The following DGKK variants were observed in gnomAD, a reference collection of about 807,000 sequenced individuals.
DGKK encodes diacylglycerol kinase kappa, also known as 142 kDa diacylglycerol kinase.
A neutral mutation model predicts 92.2 loss-of-function variants in DGKK; 35 were observed. That is an observed-to-expected ratio of 0.38 (90% CI 0.29 to 0.50). The LOEUF is 0.50. Among genes scored for constraint, DGKK ranks in the 20% least tolerant of loss-of-function variants. The pLI is 0.92. For missense variants in DGKK, 910 were observed against 992.2 expected, an observed-to-expected ratio of 0.92 and a Z score of 1.11; for synonymous variants, 368 against 360.6, an observed-to-expected ratio of 1.02 and a Z score of -0.23.
intron 27 of DGKK, among the ~76,000 whole-genome samples, chrX:50,369,488 G>A (rs782626654): frequency 4.7e-4 from 44 of 93,792 alleles, no homozygotes; most frequent in Non-Finnish European, 7.3e-4. Context: ...TTCTCCTTCC[G>A]TCCTTTCTTT....
At position 50,384,176 on chromosome X, in the gene DGKK, A is replaced by C; in HGVS notation, c.2541T>G (p.Pro847=). The change falls in exon 17 of 28, where the codon CCT becomes CCG. Residue 847 remains proline (P), a synonymous_variant. Coordinates refer to ENST00000611977, the MANE Select transcript of DGKK (RefSeq NM_001013742.4). ...NLNLDHLHFT[P]ESIRFKEKCV... is the part of the protein sequence containing the mutation. ...TAGAGTTAAATACTTACATAGATTCAGGTGTAAAATGTAAGTGATCCAAGT... is the reference window on the plus strand; with the variant it reads ...TAGAGTTAAATACTTACATAGATTCCGGTGTAAAATGTAAGTGATCCAAGT... 8.7e-7 allele frequency: 1 copy of C among 1,150,888 alleles called. No individual in the cohort carries two copies. Among genetic ancestry groups the C allele is most frequent in the Non-Finnish European group, 1.2e-6 (1 of 853,973 alleles). 94.8% of individuals were successfully genotyped at this position (1,150,888 alleles called of 1,213,427 possible).
chrX:50,388,489 G>A (rs1557225220), intron 13 of DGKK, 38 bp downstream of exon 13: 1 of 1,087,022 alleles, frequency 9.2e-7, no homozygotes, highest in South Asian at 1.9e-5. Flanking sequence ...TCTGACCTGG[G>A]AACAGCCCCA....
intron 4 of DGKK, among the ~76,000 whole-genome samples, chrX:50,408,720 C>A (rs965787416): frequency 3.6e-5 from 4 of 111,929 alleles, no homozygotes; most frequent in African/African-American, 1.3e-4. Context: ...CTGTCCTATG[C>A]CTGTCTCAAC....
Position 50,380,056 on chromosome X carries a change from C to T in DGKK, c.2679G>A (p.Met893Ile). The change falls in exon 19 of 28, where the codon ATG (methionine) becomes ATA (isoleucine). Residue 893 changes from methionine to isoleucine, a missense_variant. Met to Ile is a conservative substitution (Grantham distance 10). Coordinates refer to ENST00000611977, the MANE Select transcript of DGKK (RefSeq NM_001013742.4). ...CTTTGGTTCCCAGAAGGCCATACCACATCTTGTTCTTAAGGCGGCTACTAC... is the reference window on the plus strand; with the variant it reads ...CTTTGGTTCCCAGAAGGCCATACCATATCTTGTTCTTAAGGCGGCTACTAC... ...GQYNSRLKNK[M>I]WYGLLGTKEL... The T allele has an allele frequency of 8.3e-7, 1 of 1,211,099 alleles. No individual in the cohort carries two copies. Among genetic ancestry groups the T allele is most frequent in the East Asian group, 3.0e-5 (1 of 33,844 alleles).
At chrX:50,448,639 C>T (rs782601754) in intron 1 of DGKK, among the ~76,000 whole-genome samples, 10 of 111,147 alleles carry the variant, frequency 9.0e-5, no homozygotes, top group African/African-American at 3.3e-4. Context: ...CTTGTTCTTC[C>T]GAGAGTCTGT....
intron 11 of DGKK, among the ~76,000 whole-genome samples, chrX:50,390,829 C>T (rs922190847): frequency 8.9e-6 from 1 of 112,052 alleles, no homozygotes. Context: ...CTCCTATATA[C>T]ACCAGCATAG....
intron 1 of DGKK, among the ~76,000 whole-genome samples, chrX:50,447,800 G>T (rs1441142875): frequency 9.1e-6 from 1 of 109,789 alleles, no homozygotes; most frequent in African/African-American, 3.3e-5. Flanking sequence ...TTGGGAAGGA[G>T]GGGGAGCAGT....
In DGKK at chrX:50,368,875, A is replaced by G; in HGVS notation, c.*65T>C. 6.3e-6 allele frequency: 6 copies of G among 956,119 alleles called. No individual in the cohort carries two copies. The highest frequency in any genetic ancestry group is 8.9e-6 in the Non-Finnish European group (6 of 673,838). 78.8% of individuals were successfully genotyped at this position (956,119 alleles called of 1,213,427 possible). A position where few individuals can be genotyped will look rare whatever the true frequency, so the allele number is the denominator to read the frequency against. ...TCTGAAATGATTTAGTCTAGCCTGT[A>G]TTGAGGTTTTGAGAGTTTTTTTAGT... On this transcript the variant is annotated 3_prime_UTR_variant, in exon 28 of 28. Transcript: ENST00000611977.
chrX:50,398,222 G>A (rs1313259999), intron 8 of DGKK, among the ~76,000 whole-genome samples: 2 of 111,489 alleles, frequency 1.8e-5, no homozygotes, highest in Non-Finnish European at 3.8e-5. Flanking sequence ...GCTCAGCCAG[G>A]GGGCATTGAA....
Position 50,470,219 on chromosome X carries a change from T to C in DGKK, c.460A>G (p.Thr154Ala), listed in dbSNP as rs782804616. The C allele has an allele frequency of 4.1e-6, 5 of 1,210,084 alleles. No homozygotes were observed. The South Asian group carries it at 7.0e-5, about 17-fold the overall frequency. ...GCCAGCTCTGTCACAGGTTCTGGGG[T>C]CGGCTCTGGGGCCAGCTCTGGGGCA... ...EVAPELAPEP[T>A]PEPVTELAPE... The change falls in exon 1 of 28, where the codon ACC becomes GCC. Residue 154 changes from threonine (T) to alanine (A), a missense_variant. By Grantham distance (58) the Thr-to-Ala change is moderately conservative (BLOSUM62 0). Coordinates refer to ENST00000611977, the MANE Select transcript of DGKK (RefSeq NM_001013742.4).
chrX:50,440,021 A>G (rs1926128625), intron 1 of DGKK, among the ~76,000 whole-genome samples: 1 of 111,640 alleles, frequency 9.0e-6, no homozygotes, highest in Non-Finnish European at 1.9e-5. Context: ...AAGTGTTTGT[A>G]TCTCTTTAAA....
rs1569545065 is a variant in DGKK at position 50,447,371 on chromosome X, A to ATATATATAT, written c.645+22654_645+22662dup. 5.0e-3 allele frequency among the ~76,000 whole-genome samples: 69 copies of ATATATATAT among 13,761 alleles called. 1 individual carries two copies. The highest frequency in any genetic ancestry group is 8.4e-3 in the Admixed American group (5 of 596). 11.9% of individuals were successfully genotyped at this position (13,761 alleles called of 115,157 possible). On this transcript the variant is annotated intron_variant, in intron 1 of 27. Coordinates refer to ENST00000611977, the MANE Select transcript of DGKK (RefSeq NM_001013742.4). ...TATATATATATAATATATATATATT[A>ATATATATAT]TATATATATATAATATATATATATT...
In DGKK at chrX:50,388,509, A is replaced by C. The variant is rs1479258285; in HGVS notation, c.2018+18T>G. 1.7e-6 allele frequency: 2 copies of C among 1,174,431 alleles called. No homozygotes were observed. On this transcript the variant is annotated intron_variant, in intron 13 of 27. Coordinates refer to ENST00000611977, the MANE Select transcript of DGKK (RefSeq NM_001013742.4). ...CCTGGGAACAGCCCCAAAGGATGAG[A>C]GCCAAAGGAAGACTGACCTGGTTGC...
Position 50,384,809 on chromosome X carries a change from C to T in DGKK, c.2363G>A (p.Ser788Asn), listed in dbSNP as rs1462557401. 3 of 1,204,427 alleles carry T rather than the reference C, an allele frequency of 2.5e-6. No individual in the cohort carries two copies. Among genetic ancestry groups the T allele is most frequent in the Non-Finnish European group, 2.2e-6 (2 of 890,995 alleles). Residue 788 changes from serine (S) to asparagine (N), a missense_variant, in exon 16 of 28, where the codon AGC (serine) becomes AAC (asparagine). Transcript: ENST00000611977. ...GTTCTTAACAGATATTGTCTGTCTG[C>T]TTTCCTCATCCAGAGCTATAGAGAA... Reference protein sequence around the residue: ...FQVEQALDEESRQTISVKNFS... With the variant: ...FQVEQALDEENRQTISVKNFS...
intron 4 of DGKK, among the ~76,000 whole-genome samples, chrX:50,414,513 T>C (rs189278987): frequency 1.8e-3 from 203 of 111,563 alleles, no homozygotes; most frequent in Non-Finnish European, 3.4e-3. Context: ...AAATGAAACA[T>C]AAATAAATAG....
chrX:50,371,232 T>C (rs1464501715), intron 26 of DGKK, among the ~76,000 whole-genome samples: 6 of 111,144 alleles, frequency 5.4e-5, no homozygotes, highest in Non-Finnish European at 1.1e-4. Flanking sequence ...AAACCCAGAG[T>C]GGGAGGGACG....
At chrX:50,424,418 T>C (rs1280119229) in intron 1 of DGKK, 60 bp from the exon 2 acceptor site, 1 of 1,021,137 alleles carries the variant, frequency 9.8e-7, no homozygotes, top group African/African-American at 1.9e-5. Context: ...ATATCACTTG[T>C]TTTCTCAGAT....
intron 10 of DGKK, 52 bp downstream of exon 10, chrX:50,392,289 C>T (rs1557225630): frequency 1.0e-6 from 1 of 965,770 alleles, no homozygotes; most frequent in African/African-American, 1.9e-5. Context: ...TGGGCAGCTG[C>T]ACACCCCTAC....
chrX:50,449,038 C>T lies in DGKK; in HGVS notation c.645+20996G>A, dbSNP rs1211294024. Among the ~76,000 whole-genome samples the T allele has an allele frequency of 3.6e-5, 4 of 111,614 alleles. No individual in the cohort carries two copies. The South Asian group carries it at 1.5e-3, about 43-fold the overall frequency. ...GAAGTCATTGTTGTCAGCTTACAGC[C>T]TCAACAGCCTGCCCACACTAGCTTG... On this transcript the variant is annotated intron_variant, in intron 1 of 27. Transcript: ENST00000611977.
Sources: allele counts gnomAD v4.1 joint callset (sites outside exome capture counted in the v4.1 genomes callset), GRCh38; gene constraint gnomAD v4.1.1; transcripts MANE v1.5; gene names NCBI Gene and HGNC (gene_info 2026-07-23, HGNC 2026-07-21).